The following RETREG1 variants were observed in gnomAD, a reference collection of about 807,000 sequenced individuals.
RETREG1 encodes the protein family with sequence similarity 134 member B.
RETREG1 carries 44 observed loss-of-function variants against 54.8 expected under a neutral mutation model. The observed-to-expected ratio is 0.80, with a 90% CI of 0.63 to 1.03. The LOEUF (loss-of-function observed/expected upper bound fraction) is 1.03. RETREG1 is among the 50% of genes least tolerant of loss of function. RETREG1 has a pLI of 0.00. For missense variants in RETREG1, 554 were observed against 605.1 expected (o/e 0.92, Z 0.89); for synonymous variants, 217 against 238.5 (o/e 0.91, Z 0.83).
chr5:16,551,320 T>C (rs1741535326), intron 3 of RETREG1, among the ~76,000 whole-genome samples: 2 of 152,156 alleles, frequency 1.3e-5, no homozygotes, highest in Admixed American at 6.5e-5. Flanking sequence ...TGGAGAACTG[T>C]TGATAAAGGC....
At position 16,528,523 on chromosome 5, in the gene RETREG1, G is replaced by A. The variant is rs1467754205; in HGVS notation, c.458+37240C>T. Among the ~76,000 whole-genome samples the A allele has an allele frequency of 3.9e-5, 6 of 152,238 alleles. 1 individual carries two copies. The South Asian group carries it at 8.3e-4, about 21-fold the overall frequency. ...ATGACATGGAGGCCAGTCTCTTCAGGAGCAAAAGAAAGATTAGGGGGCCAA... is the reference window on the plus strand; with the variant it reads ...ATGACATGGAGGCCAGTCTCTTCAGAAGCAAAAGAAAGATTAGGGGGCCAA... On this transcript the variant is annotated intron_variant, in intron 3 of 8. Coordinates refer to ENST00000306320, the MANE Select transcript of RETREG1 (RefSeq NM_001034850.3).
chr5:16,525,144 G>A (rs1459030456), intron 3 of RETREG1, among the ~76,000 whole-genome samples: 1 of 127,294 alleles, frequency 7.9e-6, no homozygotes, highest in Non-Finnish European at 1.7e-5. Flanking sequence ...GTGATGACCT[G>A]TGTCCTCCGG....
Position 16,473,069 on chromosome 5 carries a change from CTG to C in RETREG1, c.*1670_*1671del, listed in dbSNP as rs1000562531. The C allele has an allele frequency of 4.6e-5, 7 of 152,214 alleles. No individual in the cohort carries two copies. Among genetic ancestry groups the C allele is most frequent in the Non-Finnish European group, 8.8e-5 (6 of 67,972 alleles). The allele number at this position is 152,214 out of a possible 1,614,324, so 9.4% of individuals were successfully genotyped here. The stretch of plus-strand genomic sequence containing the variant: ...TAACGACTATTTTATAAATATGTAA[CTG>C]TATTTTTCTTCCTGTCCAGAAACTG... On this transcript the variant is annotated 3_prime_UTR_variant, in exon 9 of 9. Transcript: ENST00000306320.
chr5:16,541,331 C>A (rs1419392972), intron 3 of RETREG1, among the ~76,000 whole-genome samples: 1 of 152,128 alleles, frequency 6.6e-6, no homozygotes, highest in Non-Finnish European at 1.5e-5. Context: ...TACTGCAGCC[C>A]AAATGGACCA....
At chr5:16,600,207 G>T (rs1743015396) in intron 1 of RETREG1, among the ~76,000 whole-genome samples, 1 of 152,178 alleles carries the variant, frequency 6.6e-6, no homozygotes, top group Admixed American at 6.5e-5. Context: ...CGCCATGTTG[G>T]CCAGGCTGGT....
chr5:16,526,884 G>A (rs566058907), intron 3 of RETREG1, among the ~76,000 whole-genome samples: 1 of 152,320 alleles, frequency 6.6e-6, no homozygotes, highest in South Asian at 2.1e-4. Flanking sequence ...CCACACAGCT[G>A]TTAGTCCTTT....
chr5:16,576,175 A>G (rs1193291834), intron 1 of RETREG1, among the ~76,000 whole-genome samples: 1 of 152,164 alleles, frequency 6.6e-6, no homozygotes. Flanking sequence ...TGTTTCTTCC[A>G]TATTCCCACC....
chr5:16,515,308 G>C (rs188458371), intron 3 of RETREG1, among the ~76,000 whole-genome samples: 1 of 152,180 alleles, frequency 6.6e-6, no homozygotes, highest in East Asian at 1.9e-4. Flanking sequence ...TCTGAAACTT[G>C]CTCCTCCTTT....
Position 16,572,070 on chromosome 5 carries a change from T to C in RETREG1, c.353A>G (p.His118Arg), listed in dbSNP as rs1742186608. The C allele has an allele frequency of 6.2e-7, 1 of 1,613,722 alleles. No individual in the cohort carries two copies. Among genetic ancestry groups the C allele is most frequent in the Non-Finnish European group, 8.5e-7 (1 of 1,179,712 alleles). ...CCCAAGTATCATGACGGAAATCAGG[T>C]GATATACTCTCCATGGAGTCAATGC... ...FLALTPWRVYHLISVMILGRV... is the reference protein window; with the variant it reads ...FLALTPWRVYRLISVMILGRV... The change falls in exon 2 of 9, where the codon CAC (histidine) becomes CGC (arginine). Residue 118 changes from histidine to arginine, a missense_variant. This residue lies in a region of RETREG1 where 347 missense variants were observed against 412.3 expected (regional missense o/e 0.84). Transcript: ENST00000306320.
chr5:16,545,904 G>A (rs558018424), intron 3 of RETREG1, among the ~76,000 whole-genome samples: 7 of 152,330 alleles, frequency 4.6e-5, no homozygotes, highest in South Asian at 2.1e-4. Context: ...CCAGGGCACT[G>A]AGCACAGTCA....
chr5:16,592,888 A>AT (rs2126344540), intron 1 of RETREG1, among the ~76,000 whole-genome samples: 1 of 152,216 alleles, frequency 6.6e-6, no homozygotes, highest in East Asian at 1.9e-4. Flanking sequence ...CACTGGGCCT[A>AT]TTGGAGGGTG....
intron 8 of RETREG1, 101 bp from the exon 9 acceptor site, chr5:16,475,335 A>G: frequency 7.3e-7 from 1 of 1,376,246 alleles, no homozygotes; most frequent in Non-Finnish European, 1.0e-6. Flanking sequence ...CCCTCTGGCA[A>G]CCTTGGCATT....
chr5:16,478,054 AGTCTAATTCACT>A lies in RETREG1; in HGVS notation c.841_852del (p.Ser281_Asp284del), dbSNP rs760741213. The A allele has an allele frequency of 1.2e-6, 2 of 1,609,802 alleles. No individual in the cohort carries two copies. The highest frequency in any genetic ancestry group is 1.7e-6 in the Non-Finnish European group (2 of 1,177,880). On this transcript the variant is annotated inframe_deletion, in exon 7 of 9. Coordinates refer to ENST00000306320, the MANE Select transcript of RETREG1 (RefSeq NM_001034850.3). ...AATACCTTAGGACAAAGAGCTGAAAAGTCTAATTCACTGTCATCTTTGTGACTTTTTTCTTTG... is the reference window on the plus strand; with the variant it reads ...AATACCTTAGGACAAAGAGCTGAAAAGTCATCTTTGTGACTTTTTTCTTTG...
Position 16,593,284 on chromosome 5 carries a change from T to C in RETREG1, c.321-21182A>G, listed in dbSNP as rs1466878979. ...TCTGACTCCCACTTGTATGCTGGTT[T>C]GCTTGGCCATTTGTTTCCCATCTGT... On this transcript the variant is annotated intron_variant, in intron 1 of 8. Transcript: ENST00000306320. The surrounding 1 kb of genome is among the most constrained non-coding windows in gnomAD (Gnocchi z 4.9). 6.6e-6 allele frequency among the ~76,000 whole-genome samples: 1 copy of C among 152,156 alleles called. No individual in the cohort carries two copies. The highest frequency in any genetic ancestry group is 1.9e-4 in the East Asian group (1 of 5,162).
intron 3 of RETREG1, among the ~76,000 whole-genome samples, chr5:16,565,520 T>C (rs1317604136): frequency 6.6e-6 from 1 of 152,054 alleles, no homozygotes; most frequent in East Asian, 1.9e-4. Flanking sequence ...TCCTCACACA[T>C]GATTCTCACA....
intron 1 of RETREG1, among the ~76,000 whole-genome samples, chr5:16,595,243 T>G (rs561160306): frequency 5.8e-4 from 89 of 152,320 alleles, no homozygotes; most frequent in African/African-American, 2.1e-3. Flanking sequence ...TGTTTTTATA[T>G]TTTGTTTTTA....
In RETREG1 at chr5:16,572,098, G is replaced by A; in HGVS notation, c.325C>T (p.Leu109Phe). The A allele has an allele frequency of 6.2e-7, 1 of 1,609,498 alleles. No individual in the cohort carries two copies. Among genetic ancestry groups the A allele is most frequent in the East Asian group, 2.2e-5 (1 of 44,838 alleles). Residue 109 changes from leucine (L) to phenylalanine (F), a missense_variant, in exon 2 of 9, where the codon CTT becomes TTT. By Grantham distance (22) the Leu-to-Phe change is conservative. Coordinates refer to ENST00000306320, the MANE Select transcript of RETREG1 (RefSeq NM_001034850.3). ...TATACTCTCCATGGAGTCAATGCAA[G>A]GAACCTGCAACAGCGAAACACAAAT... ...FVAANLLFWF[L>F]ALTPWRVYHL... is the part of the protein sequence containing the mutation.
At chr5:16,563,121 C>G (rs897542935) in intron 3 of RETREG1, among the ~76,000 whole-genome samples, 2 of 152,196 alleles carry the variant, frequency 1.3e-5, no homozygotes, top group African/African-American at 2.4e-5. Context: ...TTCAAACCCA[C>G]TGAACAGTTT....
chr5:16,553,473 A>G (rs995323379), intron 3 of RETREG1, among the ~76,000 whole-genome samples: 2 of 152,050 alleles, frequency 1.3e-5, no homozygotes, highest in Non-Finnish European at 2.9e-5. Flanking sequence ...ACATGTTTAT[A>G]TTTTGTTTAA....
Sources: allele counts gnomAD v4.1 joint callset (sites outside exome capture counted in the v4.1 genomes callset), GRCh38; gene constraint gnomAD v4.1.1; regional missense constraint gnomAD v4.1.1; non-coding constraint Gnocchi (gnomAD v3.1); transcripts MANE v1.5; gene names NCBI Gene and HGNC (gene_info 2026-07-23, HGNC 2026-07-21).